FCHSD2: variants seen among roughly 807,000 people sequenced by gnomAD.
FCHSD2 encodes the protein F-BAR and double SH3 domains protein 2.
A neutral mutation model predicts 108.1 loss-of-function variants in FCHSD2; 38 were observed. That is an observed-to-expected ratio of 0.35 (90% CI 0.27 to 0.46). FCHSD2 has a LOEUF of 0.46. FCHSD2 is among the 20% of genes least tolerant of loss of function. FCHSD2 has a pLI of 1.00. For missense variants in FCHSD2, 751 were observed against 897.8 expected, an observed-to-expected ratio of 0.84 and a Z score of 2.09; for synonymous variants, 279 against 314.7, an observed-to-expected ratio of 0.89 and a Z score of 1.20.
At chr11:73,035,614 C>T (rs1186895972) in intron 3 of FCHSD2, among the ~76,000 whole-genome samples, 1 of 152,052 alleles carries the variant, frequency 6.6e-6, no homozygotes, top group African/African-American at 2.4e-5. Flanking sequence ...ATACCTTCAT[C>T]TATTCAATAA....
At chr11:73,035,986 TG>T (rs1858487448) in intron 3 of FCHSD2, among the ~76,000 whole-genome samples, 1 of 152,150 alleles carries the variant, frequency 6.6e-6, no homozygotes, top group Non-Finnish European at 1.5e-5. Context: ...CCCAAAGTGC[TG>T]GGATTACAAG....
chr11:72,989,532 T>A (rs888068677), intron 5 of FCHSD2, among the ~76,000 whole-genome samples: 2 of 152,194 alleles, frequency 1.3e-5, no homozygotes, highest in African/African-American at 4.8e-5. Flanking sequence ...ATTCACCCCT[T>A]AGACAAGAGG....
intron 3 of FCHSD2, among the ~76,000 whole-genome samples, chr11:73,055,729 G>A (rs1303752176): frequency 1.3e-5 from 2 of 152,136 alleles, no homozygotes; most frequent in Non-Finnish European, 2.9e-5. Flanking sequence ...CAGACAATCT[G>A]TAGAGTAGAA....
intron 2 of FCHSD2, among the ~76,000 whole-genome samples, chr11:73,128,653 A>C (rs977398158): frequency 6.6e-5 from 10 of 152,174 alleles, no homozygotes; most frequent in African/African-American, 2.4e-4. Context: ...CTTCCACCTG[A>C]AGTTGTTATA....
chr11:73,008,086 T>G (rs757771819), intron 4 of FCHSD2, among the ~76,000 whole-genome samples: 2 of 152,170 alleles, frequency 1.3e-5, no homozygotes, highest in Non-Finnish European at 2.9e-5. Flanking sequence ...GCCTCACGCC[T>G]GTAGCACTTT....
intron 3 of FCHSD2, among the ~76,000 whole-genome samples, chr11:73,070,155 G>A (rs1438063104): frequency 1.3e-5 from 2 of 152,168 alleles, no homozygotes; most frequent in African/African-American, 2.4e-5. Flanking sequence ...GATGTTCCTA[G>A]CCTTCATATA....
At chr11:72,958,278 A>T (rs900169656) in intron 8 of FCHSD2, among the ~76,000 whole-genome samples, 2 of 152,094 alleles carry the variant, frequency 1.3e-5, no homozygotes, top group African/African-American at 4.8e-5. Context: ...AGCACTTTGG[A>T]AGGCTGAGGC....
chr11:73,123,260 A>G (rs7945307), intron 2 of FCHSD2, among the ~76,000 whole-genome samples: 1 of 152,218 alleles, frequency 6.6e-6, no homozygotes, highest in Admixed American at 6.5e-5. Context: ...TCCAATTGAT[A>G]ATTTTATACA....
At chr11:72,993,872 C>T (rs144832332) in intron 5 of FCHSD2, among the ~76,000 whole-genome samples, 1,811 of 152,002 alleles carry the variant, frequency 0.012, 17 homozygotes, top group African/African-American at 0.024. Context: ...CTAACCTGCA[C>T]GTTGTGCACA....
chr11:72,981,235 C>T, intron 8 of FCHSD2, among the ~76,000 whole-genome samples: 1 of 152,062 alleles, frequency 6.6e-6, no homozygotes, highest in East Asian at 1.9e-4. Context: ...AGTTTAGTAC[C>T]CCACAATGTT....
At chr11:72,896,030 TA>T (rs1441690928) in intron 10 of FCHSD2, among the ~76,000 whole-genome samples, 2 of 152,230 alleles carry the variant, frequency 1.3e-5, no homozygotes, top group Admixed American at 6.5e-5. Context: ...TTTTGCCAAA[TA>T]TTTTTTTAAT....
chr11:73,119,938 T>C (rs1273126488), intron 2 of FCHSD2, among the ~76,000 whole-genome samples: 2 of 152,212 alleles, frequency 1.3e-5, no homozygotes, highest in East Asian at 1.9e-4. Context: ...AGAAGTTTAA[T>C]TGGACTTACA....
intron 8 of FCHSD2, among the ~76,000 whole-genome samples, chr11:72,970,901 C>G (rs1364001953): frequency 6.6e-6 from 1 of 152,092 alleles, no homozygotes; most frequent in African/African-American, 2.4e-5. Context: ...AAGGCAATAC[C>G]AAGAAGCCAA....
intron 12 of FCHSD2, among the ~76,000 whole-genome samples, chr11:72,870,899 CAAAA>C (rs55827213): frequency 2.6e-5 from 2 of 77,016 alleles, no homozygotes; most frequent in African/African-American, 1.1e-4. Flanking sequence ...GACTCCGTCT[CAAAA>C]AAAAAAAAAA....
At chr11:72,945,153 T>G (rs1398773621) in intron 8 of FCHSD2, among the ~76,000 whole-genome samples, 4 of 152,170 alleles carry the variant, frequency 2.6e-5, no homozygotes, top group African/African-American at 9.7e-5. Context: ...CAAACTATAC[T>G]ACAAGGCTAC....
chr11:73,098,400 T>A (rs1468785969), intron 2 of FCHSD2, among the ~76,000 whole-genome samples: 1 of 151,896 alleles, frequency 6.6e-6, no homozygotes, highest in African/African-American at 2.4e-5. Flanking sequence ...CCTCTATGGG[T>A]AAAGAAAATA....
intron 12 of FCHSD2, among the ~76,000 whole-genome samples, chr11:72,870,899 C>CAAA (rs55827213): frequency 0.077 from 5,823 of 75,924 alleles, 582 homozygotes; most frequent in South Asian, 0.14. Flanking sequence ...GACTCCGTCT[C>CAAA]AAAAAAAAAA....
Position 73,038,168 on chromosome 11 carries a change from C to G in FCHSD2, c.166-22283G>C, listed in dbSNP as rs569467634. Among the ~76,000 whole-genome samples, 4 of 152,122 alleles carry G rather than the reference C, an allele frequency of 2.6e-5. No individual in the cohort carries two copies. The East Asian group carries it at 5.8e-4, about 22-fold the overall frequency. On this transcript the variant is annotated intron_variant, in intron 3 of 19. Transcript: ENST00000409418. ...AGCCAAGCCTAGGCAACAAGGAGAT[C>G]TGTCTCTATTAAAAAATTTAAAAAT... is the stretch of plus-strand genomic sequence containing the variant.
At chr11:72,922,525 A>G (rs1855994771) in intron 8 of FCHSD2, among the ~76,000 whole-genome samples, 1 of 152,142 alleles carries the variant, frequency 6.6e-6, no homozygotes, top group East Asian at 1.9e-4. Flanking sequence ...ATTTTGTAAC[A>G]GGGATCTTTG....
Sources: allele counts gnomAD v4.1 joint callset (sites outside exome capture counted in the v4.1 genomes callset), GRCh38; gene constraint gnomAD v4.1.1; transcripts MANE v1.5; gene names NCBI Gene and HGNC (gene_info 2026-07-23, HGNC 2026-07-21).